The following FSTL4 variants were observed in gnomAD, a reference collection of about 807,000 sequenced individuals.
FSTL4 encodes the protein follistatin-related protein 4.
FSTL4 carries 28 observed loss-of-function variants against 78.2 expected under a neutral mutation model. That is an observed-to-expected ratio of 0.36 (90% CI 0.27 to 0.49). The LOEUF is 0.49. Among genes scored for constraint, FSTL4 ranks in the 20% least tolerant of loss-of-function variants. The probability of loss-of-function intolerance (pLI) is 0.98; values close to 1 mark genes in which losing one functional copy is unlikely to be tolerated. For synonymous variants in FSTL4, 422 were observed against 440.5 expected (o/e 0.96, Z 0.53); for missense variants, 922 against 1,084.9 (o/e 0.85, Z 2.11).
chr5:133,475,843 G>A lies in FSTL4; in HGVS notation c.161-74857C>T, dbSNP rs190757382. Among the ~76,000 whole-genome samples the A allele has an allele frequency of 1.3e-3, 200 of 152,264 alleles. 2 individuals are homozygous for A. The highest frequency in any genetic ancestry group is 4.6e-3 in the African/African-American group (193 of 41,552). ...TGCCTGTGAGTGAATCTGCATTCGT[G>A]AGCCACCTCTGCTACCCTGCTCTCA... On this transcript the variant is annotated intron_variant, in intron 3 of 15. Transcript: ENST00000265342.
In FSTL4 at chr5:133,225,396, C is replaced by A; in HGVS notation, c.1178-112G>T. On this transcript the variant is annotated intron_variant, in intron 9 of 15. Transcript: ENST00000265342. This position sits in a 1 kb window ranked among gnomAD's most constrained non-coding sequence, Gnocchi z 4.6. ...GCCCAGCCCCTGGGCAGCCAGCAGC[C>A]CTGATTATACGCCCAGGAAGGGCTG... 1 of 1,291,844 alleles carries A rather than the reference C, an allele frequency of 7.7e-7. No individual in the cohort carries two copies. Among genetic ancestry groups the A allele is most frequent in the Non-Finnish European group, 1.1e-6 (1 of 918,032 alleles). 80.0% of individuals were successfully genotyped at this position (1,291,844 alleles called of 1,614,324 possible). A position where few individuals can be genotyped will look rare whatever the true frequency, so the allele number is the denominator to read the frequency against.
intron 2 of FSTL4, 42 bp from the exon 3 acceptor site, chr5:133,567,261 C>A (rs759530482): frequency 7.0e-7 from 1 of 1,424,740 alleles, no homozygotes; most frequent in Non-Finnish European, 9.9e-7. Context: ...AAGAATAATT[C>A]ATATGTACAG....
chr5:133,635,807 T>C, the FSTL4 span, among the ~76,000 whole-genome samples: 3 of 152,306 alleles, frequency 2.0e-5, 1 homozygote, highest in Middle Eastern at 6.8e-3. Context: ...TGGCTCCTAC[T>C]TTCTGTGTTT....
chr5:133,706,909 A>G, the FSTL4 span, among the ~76,000 whole-genome samples: 1 of 152,152 alleles, frequency 6.6e-6, no homozygotes. Flanking sequence ...CTGGCAGCTC[A>G]TCATGTCTCC....
At chr5:133,200,846 C>T (rs537716783) in intron 15 of FSTL4, among the ~76,000 whole-genome samples, 2 of 152,278 alleles carry the variant, frequency 1.3e-5, no homozygotes, top group African/African-American at 2.4e-5. Flanking sequence ...TTAAAGCATC[C>T]TTAAAGAACC....
chr5:133,648,352 C>T, the FSTL4 span, among the ~76,000 whole-genome samples: 4 of 152,178 alleles, frequency 2.6e-5, no homozygotes, highest in African/African-American at 9.7e-5. Flanking sequence ...CTTTGAATTG[C>T]TGCATGGTTT....
intron 3 of FSTL4, among the ~76,000 whole-genome samples, chr5:133,502,770 C>A (rs191891491): frequency 6.6e-6 from 1 of 152,290 alleles, no homozygotes; most frequent in African/African-American, 2.4e-5. Flanking sequence ...CCTGTAGAGC[C>A]TGCAGAACCA....
the FSTL4 span, among the ~76,000 whole-genome samples, chr5:133,813,892 A>T: frequency 6.6e-6 from 1 of 152,226 alleles, no homozygotes; most frequent in Non-Finnish European, 1.5e-5. Context: ...AATCCTATAA[A>T]CCAGTTGCAC....
chr5:133,830,839 T>C, the FSTL4 span, among the ~76,000 whole-genome samples: 1 of 152,092 alleles, frequency 6.6e-6, no homozygotes, highest in African/African-American at 2.4e-5. Context: ...TATCCATCCA[T>C]TTAAAGTCTG....
At chr5:133,305,489 C>T (rs76918105) in intron 6 of FSTL4, among the ~76,000 whole-genome samples, 76 of 152,292 alleles carry the variant, frequency 5.0e-4, no homozygotes, top group East Asian at 1.7e-3. Flanking sequence ...TCTAGCTCGG[C>T]GTTCAGGTAT....
At chr5:133,532,380 A>G (rs1759273104) in intron 3 of FSTL4, among the ~76,000 whole-genome samples, 1 of 152,242 alleles carries the variant, frequency 6.6e-6, no homozygotes, top group Non-Finnish European at 1.5e-5. Flanking sequence ...TATTTTCTAC[A>G]TTCCTAACAT....
intron 3 of FSTL4, among the ~76,000 whole-genome samples, chr5:133,553,889 CAG>C (rs1427069459): frequency 1.3e-5 from 2 of 152,162 alleles, no homozygotes; most frequent in Non-Finnish European, 2.9e-5. Context: ...AACCTGGACT[CAG>C]GGGTGGGAGG....
intron 4 of FSTL4, among the ~76,000 whole-genome samples, chr5:133,346,312 T>C (rs1316690388): frequency 6.6e-6 from 1 of 152,066 alleles, no homozygotes; most frequent in Non-Finnish European, 1.5e-5. Flanking sequence ...AAAACCTAGA[T>C]GATGGGTTGA....
intron 7 of FSTL4, among the ~76,000 whole-genome samples, chr5:133,241,523 A>T (rs1751873592): frequency 6.6e-6 from 1 of 152,226 alleles, no homozygotes; most frequent in South Asian, 2.1e-4. Flanking sequence ...GTCCACCCTT[A>T]GAGGCCAGCA....
At chr5:133,804,868 C>T in the FSTL4 span, among the ~76,000 whole-genome samples, 5 of 138,418 alleles carry the variant, frequency 3.6e-5, no homozygotes, top group African/African-American at 5.5e-5. Flanking sequence ...GGCATGAACC[C>T]GGAAGGCGGA....
Position 133,315,718 on chromosome 5 carries a change from A to G in FSTL4, c.603+741T>C, listed in dbSNP as rs187898519. On this transcript the variant is annotated intron_variant, in intron 5 of 15. Coordinates refer to ENST00000265342, the MANE Select transcript of FSTL4 (RefSeq NM_015082.2). ...TCTAGGGCTACAGACCCTTAGAAACAAACCAGTAAGCAGAAGTAGGAATGC... is the reference window on the plus strand; with the variant it reads ...TCTAGGGCTACAGACCCTTAGAAACGAACCAGTAAGCAGAAGTAGGAATGC... 2.1e-3 allele frequency among the ~76,000 whole-genome samples: 321 copies of G among 152,250 alleles called. 4 individuals carry two copies. Among genetic ancestry groups the G allele is most frequent in the African/African-American group, 7.5e-3 (310 of 41,524 alleles).
chr5:133,307,971 G>A (rs1753694020), intron 6 of FSTL4, among the ~76,000 whole-genome samples: 3 of 152,044 alleles, frequency 2.0e-5, no homozygotes, highest in South Asian at 2.1e-4. Flanking sequence ...TAGTAGAGAC[G>A]GGGTTTCACC....
At chr5:133,824,507 C>T in the FSTL4 span, among the ~76,000 whole-genome samples, 1 of 152,262 alleles carries the variant, frequency 6.6e-6, no homozygotes, top group African/African-American at 2.4e-5. Context: ...GGATCTCTTG[C>T]CAGGAAAGGG....
At chr5:133,802,439 T>C in the FSTL4 span, among the ~76,000 whole-genome samples, 2 of 152,172 alleles carry the variant, frequency 1.3e-5, no homozygotes, top group Non-Finnish European at 2.9e-5. Flanking sequence ...AATAAGCTCA[T>C]GGCAAATACA....
Sources: gnomAD v4.1 joint callset for allele counts (sites outside exome capture counted in the v4.1 genomes callset) on GRCh38, gnomAD v4.1.1 for gene constraint, Gnocchi (gnomAD v3.1) non-coding constraint, MANE v1.5 for transcripts, NCBI Gene and HGNC (gene_info 2026-07-23, HGNC 2026-07-21) for gene names.